Variants in ANKRD28 observed in about 807,000 individuals in gnomAD.
ANKRD28 encodes the protein serine/threonine-protein phosphatase 6 regulatory ankyrin repeat subunit A.
ANKRD28 carries 44 observed loss-of-function variants against 126.5 expected under a neutral mutation model. The ratio of observed to expected loss-of-function variants is 0.35; its 90% CI spans 0.27 to 0.45. The LOEUF (loss-of-function observed/expected upper bound fraction) is 0.45, where lower values mean the gene tolerates loss of function less well. ANKRD28 is among the 20% of genes least tolerant of loss of function. The pLI is 1.00. For synonymous variants in ANKRD28, 442 were observed against 468.5 expected (o/e 0.94, Z 0.73); for missense variants, 1,110 against 1,316.6 (o/e 0.84, Z 2.43).
chr3:15,796,682 AAC>A lies in ANKRD28; in HGVS notation c.-163_-162del. 2 of 986,198 alleles carry A rather than the reference AAC, an allele frequency of 2.0e-6. No individual in the cohort carries two copies. The highest frequency in any genetic ancestry group is 2.4e-6 in the Non-Finnish European group (2 of 824,760). 61.1% of individuals were successfully genotyped at this position (986,198 alleles called of 1,614,324 possible). A position where few individuals can be genotyped will look rare whatever the true frequency, so the allele number is the denominator to read the frequency against. ...TAAAGTTAATAAGTACTACTGGAAA[AAC>A]AAGTTTAAAATTATGACTACATAAT... On this transcript the variant is annotated 5_prime_UTR_variant, in exon 1 of 28. Coordinates refer to ENST00000683139, the MANE Select transcript of ANKRD28 (RefSeq NM_001349278.2).
chr3:15,802,671 G>A (rs1237235370), upstream of ANKRD28, among the ~76,000 whole-genome samples: 1 of 152,068 alleles, frequency 6.6e-6, no homozygotes, highest in African/African-American at 2.4e-5. Context: ...GATAAGCTAA[G>A]GACAATCAGA....
At chr3:15,821,073 A>C (rs1300863751) in intron 1 of ANKRD28, among the ~76,000 whole-genome samples, 1 of 152,190 alleles carries the variant, frequency 6.6e-6, no homozygotes, top group South Asian at 2.1e-4. Flanking sequence ...GTTTAGTAGC[A>C]TCTCTGGTCT....
At chr3:15,848,537 T>C (rs562610290) in intron 1 of ANKRD28, among the ~76,000 whole-genome samples, 3 of 152,086 alleles carry the variant, frequency 2.0e-5, no homozygotes, top group East Asian at 1.9e-4. Context: ...TAGCCAGGCA[T>C]AGTGGTGCAT....
chr3:15,710,984 C>T (rs1198547093), intron 12 of ANKRD28, among the ~76,000 whole-genome samples: 1 of 152,050 alleles, frequency 6.6e-6, no homozygotes, highest in Non-Finnish European at 1.5e-5. Context: ...GGCAGTATTT[C>T]CTTTTGTAGG....
At chr3:15,850,258 GAGA>G (rs2061623418) in intron 1 of ANKRD28, among the ~76,000 whole-genome samples, 2 of 126,868 alleles carry the variant, frequency 1.6e-5, no homozygotes, top group Non-Finnish European at 3.3e-5. Flanking sequence ...GAGAGAGAGA[GAGA>G]GAAAGTTGAA....
chr3:15,758,027 G>A (rs945979189), intron 3 of ANKRD28, among the ~76,000 whole-genome samples: 4 of 152,100 alleles, frequency 2.6e-5, no homozygotes, highest in Non-Finnish European at 4.4e-5. Context: ...TACAGAAAAC[G>A]TTAGCCAACC....
At chr3:15,712,057 T>C in intron 11 of ANKRD28, 83 bp downstream of exon 11, 1 of 1,098,220 alleles carries the variant, frequency 9.1e-7, no homozygotes, top group East Asian at 2.6e-5. Context: ...TCTGCATTAA[T>C]TTTTAAAAAG....
chr3:15,762,221 A>AAAAACAAC (rs1559489362), intron 3 of ANKRD28, among the ~76,000 whole-genome samples: 2 of 100,774 alleles, frequency 2.0e-5, no homozygotes, highest in South Asian at 3.1e-4. Flanking sequence ...AAACAAAACA[A>AAAAACAAC]AAAAAAAAAA....
At chr3:15,781,500 C>T (rs1441197919) in intron 2 of ANKRD28, 1 of 151,950 alleles carries the variant, frequency 6.6e-6, no homozygotes, top group African/African-American at 2.4e-5. Context: ...TTACATTGTA[C>T]TCTACAAATA....
intron 3 of ANKRD28, among the ~76,000 whole-genome samples, chr3:15,758,923 A>T (rs1208922662): frequency 2.0e-5 from 3 of 152,210 alleles, no homozygotes; most frequent in African/African-American, 7.2e-5. Flanking sequence ...TGAATTTTTG[A>T]CAAATGCCTT....
intron 1 of ANKRD28, among the ~76,000 whole-genome samples, chr3:15,823,390 TAA>T (rs757767303): frequency 1.3e-5 from 2 of 152,072 alleles, no homozygotes; most frequent in Non-Finnish European, 2.9e-5. Flanking sequence ...CTATAACAAA[TAA>T]AGAGATTGAA....
At chr3:15,751,646 G>A in intron 4 of ANKRD28, 104 bp downstream of exon 4, 4 of 775,266 alleles carry the variant, frequency 5.2e-6, no homozygotes, top group Non-Finnish European at 8.5e-6. Flanking sequence ...AGGTATCTCA[G>A]TAGCTTTTCC....
Position 15,668,771 on chromosome 3 carries a change from T to A in ANKRD28, c.*1499A>T, listed in dbSNP as rs2066114840. On this transcript the variant is annotated 3_prime_UTR_variant, in exon 28 of 28. Transcript: ENST00000683139. ...ATTATCAAATAGATCAAAATACTGT[T>A]CTGTGTTTTCACACTTTATATTCAG... 1.3e-5 allele frequency: 2 copies of A among 152,692 alleles called. No homozygotes were observed. Among genetic ancestry groups the A allele is most frequent in the Non-Finnish European group, 2.9e-5 (2 of 68,042 alleles). 9.5% of individuals were successfully genotyped at this position (152,692 alleles called of 1,614,324 possible).
chr3:15,793,886 T>C (rs1055787789), intron 2 of ANKRD28, among the ~76,000 whole-genome samples: 3 of 151,978 alleles, frequency 2.0e-5, no homozygotes, highest in Admixed American at 2.0e-4. Flanking sequence ...GCCAACATGG[T>C]GAATGAAACC....
At chr3:15,801,949 A>C (rs2060473410), upstream of ANKRD28, among the ~76,000 whole-genome samples, 1 of 152,192 alleles carries the variant, frequency 6.6e-6, no homozygotes, top group South Asian at 2.1e-4. The surrounding 1 kb of genome is among the most constrained non-coding windows in gnomAD (Gnocchi z 4.9). Context: ...GTAATAATAA[A>C]TTGTTAACCC....
In ANKRD28 at chr3:15,857,210, A is replaced by G. The variant is rs541877773; in HGVS notation, c.27+2167T>C. 4.6e-5 allele frequency among the ~76,000 whole-genome samples: 7 copies of G among 152,364 alleles called. No individual in the cohort carries two copies. In the South Asian group the frequency reaches 1.4e-3, roughly 32 times the overall value. ...CTCAAAGTCTTCCAAGAGAGACCAGATGAGCCAATTACTCAGTAGTTTAGA... is the reference window on the plus strand; with the variant it reads ...CTCAAAGTCTTCCAAGAGAGACCAGGTGAGCCAATTACTCAGTAGTTTAGA... On this transcript the variant is annotated intron_variant, in intron 1 of 27. Coordinates refer to the ANKRD28 transcript ENST00000399451.
At position 15,675,933 on chromosome 3, in the gene ANKRD28, C is replaced by A; in HGVS notation, c.2930G>T (p.Gly977Val). ...GLTMVVQELL[G>V]KGASVLAVDE... ...TACTGCAAGCACACTTGCTCCTTTT[C>A]CCAAAAGTTCCTGAACCACCATTGT... Residue 977 changes from glycine to valine, a missense_variant, in exon 27 of 28, where the codon GGA becomes GTA. Gly to Val is a moderately radical substitution (Grantham distance 109). Transcript: ENST00000683139. 1.9e-6 allele frequency: 3 copies of A among 1,612,922 alleles called. No individual in the cohort carries two copies. The highest frequency in any genetic ancestry group is 1.1e-5 in the South Asian group (1 of 90,982).
At chr3:15,735,875 CACAA>C (rs2074980677) in intron 5 of ANKRD28, among the ~76,000 whole-genome samples, 1 of 152,164 alleles carries the variant, frequency 6.6e-6, no homozygotes, top group Non-Finnish European at 1.5e-5. Context: ...TTAATTCAAA[CACAA>C]ACATAGTGCC....
At chr3:15,828,329 C>T (rs1353314242) in intron 1 of ANKRD28, among the ~76,000 whole-genome samples, 1 of 152,020 alleles carries the variant, frequency 6.6e-6, no homozygotes, top group Non-Finnish European at 1.5e-5. Context: ...GGGCTGGACG[C>T]GGTGGCTCAT....
Sources: gnomAD v4.1 joint callset for allele counts (sites outside exome capture counted in the v4.1 genomes callset) on GRCh38, gnomAD v4.1.1 for gene constraint, Gnocchi (gnomAD v3.1) non-coding constraint, MANE v1.5 for transcripts, NCBI Gene and HGNC (gene_info 2026-07-23, HGNC 2026-07-21) for gene names.